CSMD1: variants seen among roughly 807,000 people sequenced by gnomAD.
The protein encoded by CSMD1 is CUB and Sushi multiple domains 1, also known as CUB and sushi domain-containing protein 1.
A neutral mutation model predicts 417.5 loss-of-function variants in CSMD1; 213 were observed. The observed-to-expected ratio is 0.51, with a 90% confidence interval of 0.46 to 0.57. CSMD1 has a LOEUF of 0.57. CSMD1 is among the 20% of genes least tolerant of loss of function. The pLI, the probability that CSMD1 is intolerant of heterozygous loss-of-function variation, is 0.00. For missense variants in CSMD1, 6,923 were observed against 4,529.7 expected, an observed-to-expected ratio of 1.53 and a Z score of -15.17; for synonymous variants, 2,862 against 1,736.8, an observed-to-expected ratio of 1.65 and a Z score of -16.11.
At chr8:3,251,009 A>T (rs1465495101) in intron 26 of CSMD1, among the ~76,000 whole-genome samples, 1 of 152,032 alleles carries the variant, frequency 6.6e-6, no homozygotes, top group Non-Finnish European at 1.5e-5. Flanking sequence ...CCCATTTTGT[A>T]GGTTGCCTGT....
intron 3 of CSMD1, among the ~76,000 whole-genome samples, chr8:4,148,783 T>C (rs976389496): frequency 8.5e-5 from 13 of 152,084 alleles, no homozygotes; most frequent in African/African-American, 3.1e-4. Flanking sequence ...AGTTTAGAAT[T>C]TCAACAGGTG....
chr8:4,265,150 T>C (rs924714001), intron 3 of CSMD1, among the ~76,000 whole-genome samples: 1 of 152,170 alleles, frequency 6.6e-6, no homozygotes, highest in African/African-American at 2.4e-5. Flanking sequence ...CCTCGACTAT[T>C]ATTAGTAAAA....
rs542955074 is a variant in CSMD1 at position 3,230,304 on chromosome 8, C to T, written c.4154-73G>A. Reference sequence around the variant, plus strand: ...CCACATTCTTGTCGGTGTGGTTGTTCTTGTGGGTTGAAGCACTCTTCATTG... The same window carrying T: ...CCACATTCTTGTCGGTGTGGTTGTTTTTGTGGGTTGAAGCACTCTTCATTG... On this transcript the variant is annotated intron_variant, in intron 26 of 69. Transcript: ENST00000635120. The T allele has an allele frequency of 1.8e-5, 23 of 1,280,036 alleles. No homozygotes were observed. The African/African-American group carries it at 3.3e-4, about 18-fold the overall frequency. 79.3% of individuals were successfully genotyped at this position (1,280,036 alleles called of 1,614,324 possible).
At chr8:3,897,559 C>A (rs1363231078) in intron 5 of CSMD1, among the ~76,000 whole-genome samples, 2 of 151,336 alleles carry the variant, frequency 1.3e-5, no homozygotes, top group East Asian at 1.9e-4. Context: ...TAAATGCATA[C>A]AAAACTACCT....
chr8:4,255,362 C>G (rs1280515221), intron 3 of CSMD1, among the ~76,000 whole-genome samples: 1 of 152,122 alleles, frequency 6.6e-6, no homozygotes, highest in East Asian at 1.9e-4. Flanking sequence ...AGCCCAGAGC[C>G]CAGAGAAAGG....
intron 3 of CSMD1, among the ~76,000 whole-genome samples, chr8:4,047,390 C>G (rs1394469078): frequency 1.3e-5 from 2 of 152,150 alleles, no homozygotes; most frequent in Non-Finnish European, 1.5e-5. Context: ...ATCTTGGAAA[C>G]TCAGGAAATA....
chr8:4,557,902 A>G (rs1380539692), intron 2 of CSMD1, among the ~76,000 whole-genome samples: 1 of 152,144 alleles, frequency 6.6e-6, no homozygotes. Context: ...TGACGTGTTC[A>G]GTTTTTAGTT....
rs985053399 is a variant in CSMD1 at position 3,874,288 on chromosome 8, G to C, written c.819-120246C>G. 1.1e-4 allele frequency among the ~76,000 whole-genome samples: 16 copies of C among 152,108 alleles called. 1 individual carries two copies. The highest frequency in any genetic ancestry group is 3.9e-4 in the African/African-American group (16 of 41,412). ...GAATGCTCAAGGTCCCTGTGTCCCT[G>C]GACCACCTGTACTTTGGAAATACAG... On this transcript the variant is annotated intron_variant, in intron 5 of 69. Coordinates refer to ENST00000635120, the MANE Select transcript of CSMD1 (RefSeq NM_033225.6).
At chr8:4,329,927 C>T (rs765057745) in intron 3 of CSMD1, among the ~76,000 whole-genome samples, 11 of 152,030 alleles carry the variant, frequency 7.2e-5, no homozygotes, top group Non-Finnish European at 1.2e-4. Context: ...GAGGTGTCTG[C>T]TCCCCTTTTG....
intron 3 of CSMD1, among the ~76,000 whole-genome samples, chr8:4,286,559 T>C (rs1000754018): frequency 1.3e-5 from 2 of 152,084 alleles, no homozygotes; most frequent in Admixed American, 6.5e-5. Context: ...ATGGGCATGA[T>C]CACGAGGACA....
chr8:3,552,416 C>T lies in CSMD1; in HGVS notation c.1344+22529G>A, dbSNP rs530460631. Among the ~76,000 whole-genome samples, 6 of 152,092 alleles carry T rather than the reference C, an allele frequency of 3.9e-5. No individual in the cohort carries two copies. In the South Asian group the frequency reaches 8.3e-4, roughly 21 times the overall value. The stretch of plus-strand genomic sequence containing the variant: ...ACATGCTAAAATAAACAGTTCATAA[C>T]AATTTGTGTATTTTTAAAAGGGATT... On this transcript the variant is annotated intron_variant, in intron 10 of 69. Transcript: ENST00000635120.
chr8:4,784,442 C>A (rs374647997), intron 1 of CSMD1, among the ~76,000 whole-genome samples: 18 of 152,286 alleles, frequency 1.2e-4, no homozygotes, highest in South Asian at 2.1e-4. Context: ...AAATTTTGAA[C>A]CCGTGATTAA....
chr8:4,117,916 G>A (rs4279613), intron 3 of CSMD1, among the ~76,000 whole-genome samples: 3 of 148,832 alleles, frequency 2.0e-5, no homozygotes, highest in South Asian at 2.1e-4. Flanking sequence ...ACTAGAGAAA[G>A]AAATTTTCCT....
chr8:3,937,031 T>C (rs1810545408), intron 5 of CSMD1, among the ~76,000 whole-genome samples: 1 of 152,176 alleles, frequency 6.6e-6, no homozygotes, highest in Admixed American at 6.6e-5. Flanking sequence ...GTGGAGGAAG[T>C]AACTTCAGAC....
intron 2 of CSMD1, among the ~76,000 whole-genome samples, chr8:4,558,863 G>C (rs556115795): frequency 6.6e-6 from 1 of 152,084 alleles, no homozygotes; most frequent in Non-Finnish European, 1.5e-5. Context: ...GTGAGACTCC[G>C]TCTCAAAATA....
intron 1 of CSMD1, among the ~76,000 whole-genome samples, chr8:4,835,231 T>C (rs1347181062): frequency 2.6e-5 from 4 of 151,976 alleles, no homozygotes; most frequent in African/African-American, 9.7e-5. Flanking sequence ...AGATAAATGA[T>C]TGAATTGCAA....
intron 3 of CSMD1, among the ~76,000 whole-genome samples, chr8:4,323,760 C>T (rs200701081): frequency 6.6e-6 from 1 of 150,952 alleles, no homozygotes; most frequent in Admixed American, 6.7e-5. Context: ...ATATCCCCCC[C>T]TTCCCCTGGC....
chr8:4,153,072 T>C (rs1331276154), intron 3 of CSMD1, among the ~76,000 whole-genome samples: 1 of 152,004 alleles, frequency 6.6e-6, no homozygotes, highest in Non-Finnish European at 1.5e-5. Flanking sequence ...TTGAAGGGGG[T>C]ATGATTCTTT....
chr8:3,407,102 G>C (rs112114165), intron 14 of CSMD1, among the ~76,000 whole-genome samples: 1 of 152,112 alleles, frequency 6.6e-6, no homozygotes, highest in Non-Finnish European at 1.5e-5. Context: ...TGGAGGGATG[G>C]ATGGAAAGAT....
Sources: allele counts gnomAD v4.1 joint callset (sites outside exome capture counted in the v4.1 genomes callset), GRCh38; gene constraint gnomAD v4.1.1; transcripts MANE v1.5; gene names NCBI Gene and HGNC (gene_info 2026-07-23, HGNC 2026-07-21).